The following INTS2 variants were observed in gnomAD, a reference collection of about 807,000 sequenced individuals.
INTS2 encodes integrator complex subunit 2, also known as KIAA1287.
INTS2 carries 57 observed loss-of-function variants against 139.6 expected under a neutral mutation model. The ratio of observed to expected loss-of-function variants is 0.41; its 90% CI spans 0.33 to 0.51. INTS2 has a LOEUF of 0.51. Ranked by LOEUF, INTS2 falls within the 20% of genes least tolerant of loss-of-function variation. The probability of loss-of-function intolerance (pLI) is 0.28; values close to 1 mark genes in which losing one functional copy is unlikely to be tolerated. For missense variants in INTS2, 1,196 were observed against 1,436.7 expected, an observed-to-expected ratio of 0.83 and a Z score of 2.71; for synonymous variants, 473 against 493.4, an observed-to-expected ratio of 0.96 and a Z score of 0.55.
At chr17:61,914,916 C>A (rs1185838262) in intron 5 of INTS2, among the ~76,000 whole-genome samples, 2 of 150,030 alleles carry the variant, frequency 1.3e-5, no homozygotes, top group African/African-American at 2.5e-5. Context: ...AAAATCTCTA[C>A]AAAGAGGCCA....
intron 9 of INTS2, among the ~76,000 whole-genome samples, chr17:61,902,442 A>G (rs1056053308): frequency 1.3e-5 from 2 of 152,172 alleles, no homozygotes; most frequent in African/African-American, 4.8e-5. Flanking sequence ...TTTAGAAAAC[A>G]GCTTTATTGA....
At chr17:61,895,864 C>A (rs1221917139) in intron 11 of INTS2, among the ~76,000 whole-genome samples, 1 of 151,774 alleles carries the variant, frequency 6.6e-6, no homozygotes. Context: ...CCAAAAAAAA[C>A]TAGAAGAAAA....
At chr17:61,921,859 T>C (rs774920068) in intron 3 of INTS2, 32 bp from the exon 4 acceptor site, 3 of 1,103,550 alleles carry the variant, frequency 2.7e-6, no homozygotes, top group African/African-American at 3.2e-5. Context: ...ATATAAACTC[T>C]ATTAATTTCA....
intron 2 of INTS2, 124 bp from the exon 3 acceptor site, chr17:61,925,223 C>G (rs2079697230): frequency 1.1e-6 from 1 of 906,042 alleles, no homozygotes; most frequent in African/African-American, 1.7e-5. Flanking sequence ...TGTTCTGTTA[C>G]TTCTGAAATG....
chr17:61,878,947 A>AAAAAAC (rs2079151806), intron 17 of INTS2, among the ~76,000 whole-genome samples: 4 of 150,368 alleles, frequency 2.7e-5, no homozygotes, highest in African/African-American at 9.8e-5. Context: ...AAAAAAAAAA[A>AAAAAAC]AAAAAAACAC....
rs2145912764 is a variant in INTS2, at chr17:61,880,993, AT to A, written c.2254+13del. The A allele has an allele frequency of 1.2e-6, 2 of 1,605,232 alleles. No homozygotes were observed. The highest frequency in any genetic ancestry group is 8.5e-7 in the Non-Finnish European group (1 of 1,172,366). Reference sequence around the variant, plus strand: ...TACAAAAGGGGTTAAAGGAGTATCAATAATTTACTATACCTTCTTGGAGTTG... The same window carrying A: ...TACAAAAGGGGTTAAAGGAGTATCAAAATTTACTATACCTTCTTGGAGTTG... On this transcript the variant is annotated intron_variant, in intron 17 of 24. Coordinates refer to ENST00000251334, the MANE Select transcript of INTS2 (RefSeq NM_001351695.2).
chr17:61,926,585 C>A lies in INTS2; in HGVS notation c.60G>T (p.Lys20Asn). The part of the protein sequence containing the change: ...VSPFAFEAMQ[K>N]VDVVCLASLS... ...AAGATGCCAGGCAAACAACATCCAC[C>A]TTCTGCATTGCCTCAAAAGCAAAAG... The change falls in exon 2 of 25, where the codon AAG (lysine) becomes AAT (asparagine). Residue 20 changes from lysine to asparagine, a missense_variant. Physicochemically the swap from Lys to Asn is moderately conservative, Grantham distance 94. Around this residue, in one of 3 missense-constraint regions of INTS2, gnomAD observed 36 missense variants for 30.1 expected, o/e 1.19. Transcript: ENST00000251334. The A allele has an allele frequency of 6.2e-7, 1 of 1,612,842 alleles. No individual in the cohort carries two copies. The highest frequency in any genetic ancestry group is 8.5e-7 in the Non-Finnish European group (1 of 1,179,338).
chr17:61,868,669 C>T lies in INTS2; in HGVS notation c.3244+365G>A, dbSNP rs955738738. Among the ~76,000 whole-genome samples, 4 of 152,074 alleles carry T rather than the reference C, an allele frequency of 2.6e-5. No individual in the cohort carries two copies. The highest frequency in any genetic ancestry group is 5.9e-5 in the Non-Finnish European group (4 of 67,970). ...TACATATGATGATATTTTTCTGGAA[C>T]TCTGAGCATTTGTAATAAATGAACA... On this transcript the variant is annotated intron_variant, in intron 23 of 24. Transcript: ENST00000251334. This position sits in a 1 kb window ranked among gnomAD's most constrained non-coding sequence, Gnocchi z 4.7.
Position 61,867,987 on chromosome 17 carries a change from A to G in INTS2, c.3267T>C (p.Tyr1089=), listed in dbSNP as rs1156249284. 11 of 1,599,766 alleles carry G rather than the reference A, an allele frequency of 6.9e-6. No homozygotes were observed. The highest frequency in any genetic ancestry group is 9.4e-6 in the Non-Finnish European group (11 of 1,176,022). ...LLTVLTQAKR[Y]AFFMPTLPSL... is the part of the protein sequence containing the mutation. ...TTGGCAGAGTTGGCATAAAAAAAGCATACCGCTTAGCCTGTGTTAAAACTG... is the reference window on the plus strand; with the variant it reads ...TTGGCAGAGTTGGCATAAAAAAAGCGTACCGCTTAGCCTGTGTTAAAACTG... The change falls in exon 24 of 25, where the codon TAT becomes TAC. Residue 1089 remains tyrosine, a synonymous_variant. Transcript: ENST00000251334. The surrounding 1 kb of genome is among the most constrained non-coding windows in gnomAD (Gnocchi z 5.6).
At chr17:61,898,224 G>C (rs2079369182) in intron 9 of INTS2, among the ~76,000 whole-genome samples, 1 of 151,220 alleles carries the variant, frequency 6.6e-6, no homozygotes, top group South Asian at 2.1e-4. Context: ...CAAAGTTACA[G>C]AGAAATAAAT....
At chr17:61,912,901 C>A (rs2079542016) in intron 5 of INTS2, among the ~76,000 whole-genome samples, 1 of 152,010 alleles carries the variant, frequency 6.6e-6, no homozygotes, top group East Asian at 1.9e-4. Flanking sequence ...TATGGTGAAA[C>A]CCTGTCTCTA....
chr17:61,869,859 C>T lies in INTS2; in HGVS notation c.2908G>A (p.Gly970Arg). ...SVITTSAPNK[G>R]MEEGEDNLLC... ...AAATTGTCTTCTCCTTCCTCCATTCCCTTATTTGGAGCGCTGGTGGTAATA... is the reference window on the plus strand; with the variant it reads ...AAATTGTCTTCTCCTTCCTCCATTCTCTTATTTGGAGCGCTGGTGGTAATA... The change falls in exon 21 of 25, where the codon GGA becomes AGA. Residue 970 changes from glycine (G) to arginine (R), a missense_variant. Physicochemically the swap from Gly to Arg is moderately radical, Grantham distance 125. Transcript: ENST00000251334. This position sits in a 1 kb window ranked among gnomAD's most constrained non-coding sequence, Gnocchi z 5.4. The T allele has an allele frequency of 6.2e-7, 1 of 1,613,878 alleles. No individual in the cohort carries two copies. Among genetic ancestry groups the T allele is most frequent in the Non-Finnish European group, 8.5e-7 (1 of 1,179,832 alleles).
chr17:61,898,501 G>T (rs777966481), intron 9 of INTS2, among the ~76,000 whole-genome samples: 1 of 152,036 alleles, frequency 6.6e-6, no homozygotes, highest in Non-Finnish European at 1.5e-5. Context: ...TCACTATGTT[G>T]CCCAGTCTGG....
chr17:61,914,665 T>G (rs1193063176), intron 5 of INTS2, among the ~76,000 whole-genome samples: 2 of 143,898 alleles, frequency 1.4e-5, no homozygotes, highest in East Asian at 4.1e-4. Flanking sequence ...ATTGCGCCAC[T>G]GCATTCCAGC....
rs2079573923 is a variant in INTS2 at position 61,915,642 on chromosome 17, C to A, written c.650-3572G>T. On this transcript the variant is annotated intron_variant, in intron 5 of 24. Transcript: ENST00000251334. ...GACCATCCTGGCTAACACGGTGAAA[C>A]CCTGTCTCTAATTAAAAAAAAAAAA... Among the ~76,000 whole-genome samples the A allele has an allele frequency of 2.9e-5, 4 of 138,590 alleles. No homozygotes were observed. In the South Asian group the frequency reaches 9.1e-4, roughly 31 times the overall value. 90.9% of individuals were successfully genotyped at this position (138,590 alleles called of 152,430 possible).
intron 14 of INTS2, among the ~76,000 whole-genome samples, chr17:61,890,308 T>A (rs908757771): frequency 6.6e-6 from 1 of 152,140 alleles, no homozygotes; most frequent in African/African-American, 2.4e-5. Context: ...AAAAATACTT[T>A]CATCAAATTT....
intron 8 of INTS2, among the ~76,000 whole-genome samples, chr17:61,906,389 C>T (rs928992818): frequency 6.6e-6 from 1 of 152,126 alleles, no homozygotes; most frequent in Non-Finnish European, 1.5e-5. Flanking sequence ...GTACATGAAT[C>T]AAATAACAGG....
rs55751869 is a variant in INTS2, at chr17:61,901,577, C to CTTTTTT, written c.1307+2877_1307+2882dup. 8.1e-5 allele frequency among the ~76,000 whole-genome samples: 4 copies of CTTTTTT among 49,454 alleles called. 1 individual carries two copies. Among genetic ancestry groups the CTTTTTT allele is most frequent in the African/African-American group, 2.2e-4 (2 of 8,932 alleles). 32.4% of individuals were successfully genotyped at this position (49,454 alleles called of 152,430 possible). A position where few individuals can be genotyped will look rare whatever the true frequency, so the allele number is the denominator to read the frequency against. ...CAAATCCTAAAAGGCAGAATGATTTCTTTTTTTTTTTTTTTTTTTTTTTTT... is the reference window on the plus strand; with the variant it reads ...CAAATCCTAAAAGGCAGAATGATTTCTTTTTTTTTTTTTTTTTTTTTTTTTTTTTTT... On this transcript the variant is annotated intron_variant, in intron 9 of 24. Transcript: ENST00000251334.
In INTS2 at chr17:61,868,027, A is replaced by C; in HGVS notation, c.3245-18T>G. ...TGTTAAAACTGTTGGAAAAAAATGA[A>C]ACAATATTTTAGTTTACAAATATAA... is the stretch of plus-strand genomic sequence containing the variant. On this transcript the variant is annotated intron_variant, in intron 23 of 24. Transcript: ENST00000251334. The surrounding 1 kb of genome is among the most constrained non-coding windows in gnomAD (Gnocchi z 4.7). 6.5e-7 allele frequency: 1 copy of C among 1,535,674 alleles called. No homozygotes were observed. Among genetic ancestry groups the C allele is most frequent in the Non-Finnish European group, 8.7e-7 (1 of 1,143,902 alleles).
Sources: gnomAD v4.1 joint callset for allele counts (sites outside exome capture counted in the v4.1 genomes callset) on GRCh38, gnomAD v4.1.1 for gene constraint, gnomAD v4.1.1 regional missense constraint, Gnocchi (gnomAD v3.1) non-coding constraint, MANE v1.5 for transcripts, NCBI Gene and HGNC (gene_info 2026-07-23, HGNC 2026-07-21) for gene names.